Variants in ZPBP observed in about 807,000 individuals in gnomAD.
ZPBP encodes zona pellucida-binding protein 1.
ZPBP carries 26 observed loss-of-function variants against 44.8 expected under a neutral mutation model. The observed-to-expected ratio is 0.58, with a 90% CI of 0.43 to 0.81. The LOEUF is 0.81. ZPBP is among the 30% of genes least tolerant of loss of function. The pLI is 0.00. For synonymous variants in ZPBP, 174 were observed against 153.2 expected (o/e 1.14, Z -1.00); for missense variants, 409 against 434.0 (o/e 0.94, Z 0.51).
At chr7:49,969,805 A>G (rs966255216) in intron 7 of ZPBP, among the ~76,000 whole-genome samples, 2 of 95,128 alleles carry the variant, frequency 2.1e-5, no homozygotes, top group Admixed American at 2.4e-4. Context: ...TAATAAATGT[A>G]TATATATATA....
intron 4 of ZPBP, among the ~76,000 whole-genome samples, chr7:50,044,893 C>T (rs1253676394): frequency 3.3e-5 from 5 of 152,042 alleles, no homozygotes; most frequent in African/African-American, 7.2e-5. Context: ...TGATGAACAT[C>T]GATGTGAAAA....
chr7:50,051,854 T>C (rs1800716018), intron 4 of ZPBP, among the ~76,000 whole-genome samples: 2 of 152,054 alleles, frequency 1.3e-5, no homozygotes, highest in Admixed American at 6.6e-5. Flanking sequence ...TAATACATGC[T>C]GAACTTAATA....
At chr7:49,859,921 A>G (rs1018643560) in intron 2 of ZPBP, among the ~76,000 whole-genome samples, 1 of 151,952 alleles carries the variant, frequency 6.6e-6, no homozygotes, top group Non-Finnish European at 1.5e-5. Flanking sequence ...CTATCTAGAT[A>G]TAAATAAATA....
At chr7:50,084,524 G>A (rs10274371) in intron 2 of ZPBP, among the ~76,000 whole-genome samples, 118,729 of 151,738 alleles carry the variant, frequency 0.78, 46,512 homozygotes, top group East Asian at 0.88. Flanking sequence ...GAGTTAAAAA[G>A]AGGGTCACAA....
intron 6 of ZPBP, among the ~76,000 whole-genome samples, chr7:49,992,577 T>C (rs1269431240): frequency 6.6e-6 from 1 of 152,030 alleles, no homozygotes; most frequent in Non-Finnish European, 1.5e-5. Context: ...AAAAAAATAT[T>C]ACAATAGTAT....
chr7:49,954,468 T>C (rs1296232839), intron 7 of ZPBP, among the ~76,000 whole-genome samples: 1 of 152,194 alleles, frequency 6.6e-6, no homozygotes, highest in African/African-American at 2.4e-5. Context: ...ATTAAGATTT[T>C]GTCCATCAAA....
chr7:49,846,135 A>C (rs1437834711), downstream of ZPBP, among the ~76,000 whole-genome samples: 1 of 152,204 alleles, frequency 6.6e-6, no homozygotes, highest in Non-Finnish European at 1.5e-5. Context: ...CCAAGGATCT[A>C]AGCAAGTCAA....
chr7:49,887,160 C>T (rs1015704311), intron 2 of ZPBP, among the ~76,000 whole-genome samples: 5 of 152,112 alleles, frequency 3.3e-5, no homozygotes, highest in African/African-American at 1.2e-4. Context: ...TTATCCTGAT[C>T]GATGATGATT....
chr7:49,966,146 G>C (rs1335859772), intron 7 of ZPBP, among the ~76,000 whole-genome samples: 1 of 152,024 alleles, frequency 6.6e-6, no homozygotes, highest in Non-Finnish European at 1.5e-5. Flanking sequence ...AAACCTCAAA[G>C]AGAAACAGAC....
chr7:50,078,735 C>T (rs754569631), intron 3 of ZPBP, among the ~76,000 whole-genome samples: 13 of 151,244 alleles, frequency 8.6e-5, no homozygotes, highest in African/African-American at 1.2e-4. Context: ...AACTAAGGAG[C>T]TCTGCATAGT....
intron 5 of ZPBP, among the ~76,000 whole-genome samples, chr7:50,026,968 TAGAC>T (rs1562854854): frequency 1.3e-5 from 2 of 152,006 alleles, no homozygotes; most frequent in Non-Finnish European, 2.9e-5. Flanking sequence ...AACCTTTCAA[TAGAC>T]AGAGCCAAAT....
chr7:49,933,104 T>G (rs139139908), downstream of ZPBP, among the ~76,000 whole-genome samples: 65 of 152,270 alleles, frequency 4.3e-4, no homozygotes, highest in East Asian at 8.3e-3. Flanking sequence ...GTATGAAATA[T>G]TATAGTGATA....
intron 6 of ZPBP, among the ~76,000 whole-genome samples, chr7:50,010,440 C>A (rs1232310985): frequency 6.6e-6 from 1 of 151,982 alleles, no homozygotes; most frequent in African/African-American, 2.4e-5. Flanking sequence ...GTAAAATAAT[C>A]TTTAGCTTAA....
intron 3 of ZPBP, among the ~76,000 whole-genome samples, chr7:50,073,501 T>A (rs1209517599): frequency 2.0e-5 from 3 of 151,954 alleles, no homozygotes; most frequent in Non-Finnish European, 4.4e-5. Context: ...AAAAGGATAA[T>A]AACAGAGAAT....
chr7:49,943,345 A>G (rs1239300089), intron 7 of ZPBP: 7 of 313,326 alleles, frequency 2.2e-5, no homozygotes, highest in Non-Finnish European at 4.3e-5. Context: ...AGTATACCAA[A>G]CCTGAACAGT....
At chr7:50,001,971 C>CTGAG (rs1798119733) in intron 6 of ZPBP, among the ~76,000 whole-genome samples, 7 of 152,046 alleles carry the variant, frequency 4.6e-5, no homozygotes, top group Non-Finnish European at 1.0e-4. Flanking sequence ...GTGGCGCAAC[C>CTGAG]GAGGCAGCCT....
At chr7:49,970,736 C>A (rs557371412) in intron 7 of ZPBP, among the ~76,000 whole-genome samples, 48 of 151,576 alleles carry the variant, frequency 3.2e-4, no homozygotes, top group African/African-American at 1.2e-3. Context: ...TAAAAGCAGC[C>A]AGGTGCAGTG....
chr7:49,914,820 A>C (rs1793631402), intron 1 of ZPBP: 1 of 152,202 alleles, frequency 6.6e-6, no homozygotes, highest in Admixed American at 6.5e-5. Context: ...ATTTCAAAAT[A>C]ATATGGTTTG....
At chr7:50,046,973 G>A (rs1164542659) in intron 4 of ZPBP, among the ~76,000 whole-genome samples, 1 of 152,100 alleles carries the variant, frequency 6.6e-6, no homozygotes, top group East Asian at 1.9e-4. Flanking sequence ...CCATAAAAAA[G>A]GATGAGCTCA....
Sources: gnomAD v4.1 joint callset for allele counts (sites outside exome capture counted in the v4.1 genomes callset) on GRCh38, gnomAD v4.1.1 for gene constraint, MANE v1.5 for transcripts, NCBI Gene and HGNC (gene_info 2026-07-23, HGNC 2026-07-21) for gene names.